TIAM1: variants seen among roughly 807,000 people sequenced by gnomAD.
TIAM1 encodes rho guanine nucleotide exchange factor TIAM1.
TIAM1 carries 65 observed loss-of-function variants against 163.5 expected under a neutral mutation model. The ratio of observed to expected loss-of-function variants is 0.40; its 90% confidence interval spans 0.33 to 0.49. The LOEUF (loss-of-function observed/expected upper bound fraction) is 0.49, where lower values mean the gene tolerates loss of function less well. TIAM1 is among the 20% of genes least tolerant of loss of function. The pLI, the probability that TIAM1 is intolerant of heterozygous loss-of-function variation, is 0.77. For synonymous variants in TIAM1, 833 were observed against 810.1 expected, an observed-to-expected ratio of 1.03 and a Z score of -0.48; for missense variants, 1,789 against 2,044.7, an observed-to-expected ratio of 0.87 and a Z score of 2.41.
chr21:31,529,495 A>T (rs577563663), intron 1 of TIAM1, among the ~76,000 whole-genome samples: 4 of 152,238 alleles, frequency 2.6e-5, no homozygotes, highest in African/African-American at 9.6e-5. Flanking sequence ...GTAAACAGAG[A>T]AGGAAGCAGG....
At chr21:31,239,421 T>C (rs1361506342) in intron 6 of TIAM1, among the ~76,000 whole-genome samples, 1 of 152,156 alleles carries the variant, frequency 6.6e-6, no homozygotes, top group Non-Finnish European at 1.5e-5. Context: ...TGAGCCACCA[T>C]GCCCAGCCAA....
chr21:31,340,806 A>G (rs1285532701), intron 1 of TIAM1, among the ~76,000 whole-genome samples: 1 of 152,126 alleles, frequency 6.6e-6, no homozygotes, highest in Non-Finnish European at 1.5e-5. Flanking sequence ...AAAAAAAAGG[A>G]AAGAAAAAAA....
At chr21:31,464,517 C>G (rs997605668) in intron 1 of TIAM1, among the ~76,000 whole-genome samples, 1 of 152,136 alleles carries the variant, frequency 6.6e-6, no homozygotes, top group African/African-American at 2.4e-5. Flanking sequence ...AGACCAGTCT[C>G]GGCAACACGG....
chr21:31,340,103 T>C (rs1336331750), intron 1 of TIAM1, among the ~76,000 whole-genome samples: 19 of 151,902 alleles, frequency 1.3e-4, no homozygotes, highest in Admixed American at 1.3e-3. Flanking sequence ...AGCAGAACTT[T>C]AGCATAGCAC....
intron 2 of TIAM1, among the ~76,000 whole-genome samples, chr21:31,458,490 C>T (rs778887721): frequency 6.6e-6 from 1 of 152,082 alleles, no homozygotes; most frequent in Non-Finnish European, 1.5e-5. Context: ...AGATAGATCA[C>T]AATATATATT....
At chr21:31,404,011 G>A (rs904745423) in intron 2 of TIAM1, among the ~76,000 whole-genome samples, 1 of 152,184 alleles carries the variant, frequency 6.6e-6, no homozygotes, top group Admixed American at 6.5e-5. Context: ...CTCACACAGG[G>A]CTGTCATTGT....
intron 12 of TIAM1, among the ~76,000 whole-genome samples, chr21:31,199,022 A>C (rs1275577226): frequency 6.6e-6 from 1 of 152,262 alleles, no homozygotes; most frequent in Non-Finnish European, 1.5e-5. Context: ...ACATAAATGC[A>C]CTTAATGATG....
chr21:31,378,469 A>C (rs551551000), intron 2 of TIAM1, among the ~76,000 whole-genome samples: 31 of 152,352 alleles, frequency 2.0e-4, no homozygotes, highest in Non-Finnish European at 4.0e-4. Context: ...ATTTCTATTA[A>C]GGTATTGGGC....
intron 17 of TIAM1, among the ~76,000 whole-genome samples, chr21:31,153,914 C>T (rs772714901): frequency 1.6e-4 from 24 of 150,720 alleles, no homozygotes; most frequent in Admixed American, 2.6e-4. Context: ...AAACAGAAAA[C>T]GGGGCTGGGC....
chr21:31,165,844 T>G (rs528351975), intron 15 of TIAM1, among the ~76,000 whole-genome samples: 4 of 152,336 alleles, frequency 2.6e-5, no homozygotes, highest in African/African-American at 9.6e-5. Context: ...TGAAAAATCC[T>G]GCAACGTCTG....
rs200443143 is a variant in TIAM1 at position 31,124,507 on chromosome 21, G to T, written c.4306+15C>A. ...GGGGTGACGGGAATCTTGAACGTCCGAATCCCCACAGTACCTGCCCTGCTC... is the reference window on the plus strand; with the variant it reads ...GGGGTGACGGGAATCTTGAACGTCCTAATCCCCACAGTACCTGCCCTGCTC... On this transcript the variant is annotated intron_variant, in intron 27 of 27. Coordinates refer to ENST00000541036, the MANE Select transcript of TIAM1 (RefSeq NM_001353694.2). 6.2e-7 allele frequency: 1 copy of T among 1,611,666 alleles called. No individual in the cohort carries two copies. Among genetic ancestry groups the T allele is most frequent in the Non-Finnish European group, 8.5e-7 (1 of 1,179,570 alleles).
At chr21:31,143,045 G>A (rs887747223) in intron 20 of TIAM1, among the ~76,000 whole-genome samples, 1 of 152,154 alleles carries the variant, frequency 6.6e-6, no homozygotes, top group African/African-American at 2.4e-5. Flanking sequence ...CGCTGCCTCT[G>A]GGCTGGTGAG....
chr21:31,120,453 C>T lies in TIAM1; in HGVS notation c.4691G>A (p.Gly1564Glu). The T allele has an allele frequency of 6.2e-7, 1 of 1,614,232 alleles. No individual in the cohort carries two copies. Reference protein sequence around the residue: ...KKQAALSGINGGLESASEEVI... With the variant: ...KKQAALSGINEGLESASEEVI... Reference sequence around the variant, plus strand: ...TTCCTCGCTTGCGCTCTCCAGGCCTCCATTGATCCCCGACAGGGCAGCTTG... The same window carrying T: ...TTCCTCGCTTGCGCTCTCCAGGCCTTCATTGATCCCCGACAGGGCAGCTTG... The change falls in exon 28 of 28, where the codon GGA becomes GAA. Residue 1564 changes from glycine (G) to glutamate (E), a missense_variant. This residue lies in a region of TIAM1 where 415 missense variants were observed against 439.2 expected (regional missense o/e 0.94). Coordinates refer to ENST00000541036, the MANE Select transcript of TIAM1 (RefSeq NM_001353694.2). The surrounding 1 kb of genome is among the most constrained non-coding windows in gnomAD (Gnocchi z 4.2).
chr21:31,225,717 A>C lies in TIAM1; in HGVS notation c.1809+9T>G. 1 of 1,606,522 alleles carries C rather than the reference A, an allele frequency of 6.2e-7. No individual in the cohort carries two copies. The highest frequency in any genetic ancestry group is 8.5e-7 in the Non-Finnish European group (1 of 1,179,002). ...TTTTGTCCGGACCTAAACACGGAAG[A>C]ACGATTACCTGATCTAATATTGTTT... On this transcript the variant is annotated intron_variant, in intron 7 of 27. Transcript: ENST00000541036.
At chr21:31,376,238 T>C (rs1211651225) in intron 2 of TIAM1, among the ~76,000 whole-genome samples, 2 of 152,110 alleles carry the variant, frequency 1.3e-5, no homozygotes, top group Admixed American at 6.6e-5. Context: ...CACACACGCA[T>C]GTACACATGT....
chr21:31,502,979 G>T (rs972837232), intron 1 of TIAM1, among the ~76,000 whole-genome samples: 4 of 152,314 alleles, frequency 2.6e-5, no homozygotes, highest in African/African-American at 9.6e-5. Flanking sequence ...AAAAGGATGG[G>T]CGCAGTGGCT....
intron 9 of TIAM1, among the ~76,000 whole-genome samples, chr21:31,215,888 C>G (rs887995362): frequency 6.6e-6 from 1 of 152,148 alleles, no homozygotes; most frequent in Non-Finnish European, 1.5e-5. Flanking sequence ...CAGCCAGGCA[C>G]GGTGGCCCAC....
At chr21:31,173,086 T>G (rs963178347) in intron 15 of TIAM1, among the ~76,000 whole-genome samples, 5 of 152,156 alleles carry the variant, frequency 3.3e-5, no homozygotes, top group Admixed American at 3.3e-4. Context: ...ACATTGAGAT[T>G]TACCTTTCAT....
chr21:31,279,905 T>TC (rs1264952826), intron 2 of TIAM1, among the ~76,000 whole-genome samples: 1 of 152,186 alleles, frequency 6.6e-6, no homozygotes, highest in Non-Finnish European at 1.5e-5. Flanking sequence ...TTGAATGACA[T>TC]CAGTCACCTT....
Sources: gnomAD v4.1 joint callset for allele counts (sites outside exome capture counted in the v4.1 genomes callset) on GRCh38, gnomAD v4.1.1 for gene constraint, gnomAD v4.1.1 regional missense constraint, Gnocchi (gnomAD v3.1) non-coding constraint, MANE v1.5 for transcripts, NCBI Gene and HGNC (gene_info 2026-07-23, HGNC 2026-07-21) for gene names.